Variants in ZNF804A observed in about 807,000 individuals in gnomAD.
The protein encoded by ZNF804A is zinc finger protein 804A.
A neutral mutation model predicts 16.5 loss-of-function variants in ZNF804A; 2 were observed. The ratio of observed to expected loss-of-function variants is 0.12; its 90% CI spans 0.05 to 0.38. The LOEUF (loss-of-function observed/expected upper bound fraction) is 0.38. Ranked by LOEUF, ZNF804A falls within the 10% of genes least tolerant of loss-of-function variation. The pLI, the probability that ZNF804A is intolerant of heterozygous loss-of-function variation, is 0.99. For synonymous variants in ZNF804A, 534 were observed against 489.6 expected, an observed-to-expected ratio of 1.09 and a Z score of -1.20; for missense variants, 1,473 against 1,390.7, an observed-to-expected ratio of 1.06 and a Z score of -0.94.
At chr2:184,866,708 A>C (rs1259753849) in intron 2 of ZNF804A, among the ~76,000 whole-genome samples, 196 bp downstream of exon 2, 1 of 151,252 alleles carries the variant, frequency 6.6e-6, no homozygotes, top group Non-Finnish European at 1.5e-5. Context: ...AAAAGGCACC[A>C]ATAGCAAAGT....
chr2:184,908,681 A>T (rs894323150), intron 2 of ZNF804A, among the ~76,000 whole-genome samples: 4 of 152,140 alleles, frequency 2.6e-5, no homozygotes, highest in Non-Finnish European at 5.9e-5. Context: ...AAACAGTTCC[A>T]CATATTGTAC....
At chr2:184,838,717 A>G (rs1695391816) in intron 1 of ZNF804A, among the ~76,000 whole-genome samples, 1 of 152,134 alleles carries the variant, frequency 6.6e-6, no homozygotes, top group East Asian at 1.9e-4. Flanking sequence ...AAGTATAGCC[A>G]TAACAGAAGC....
At chr2:184,685,458 T>A (rs1186321534) in intron 1 of ZNF804A, among the ~76,000 whole-genome samples, 3 of 151,990 alleles carry the variant, frequency 2.0e-5, no homozygotes, top group Middle Eastern at 3.4e-3. Context: ...GCTCTTTCAG[T>A]CCCCCCTTTT....
intron 1 of ZNF804A, among the ~76,000 whole-genome samples, chr2:184,750,792 A>G (rs529891313): frequency 6.6e-6 from 1 of 151,486 alleles, no homozygotes; most frequent in African/African-American, 2.4e-5. Context: ...ATCTTTTGTA[A>G]CCAAAACTTT....
At chr2:184,629,216 T>C (rs531133458) in intron 1 of ZNF804A, among the ~76,000 whole-genome samples, 1 of 152,302 alleles carries the variant, frequency 6.6e-6, no homozygotes, top group South Asian at 2.1e-4. Context: ...AACCAATTTA[T>C]CATTCACTTT....
chr2:184,916,864 C>T (rs915496840), intron 2 of ZNF804A, among the ~76,000 whole-genome samples: 2 of 151,288 alleles, frequency 1.3e-5, no homozygotes, highest in Non-Finnish European at 3.0e-5. Context: ...AAAAACAAAA[C>T]AAAACAAAAC....
intron 1 of ZNF804A, among the ~76,000 whole-genome samples, chr2:184,730,800 A>C (rs941730050): frequency 6.6e-6 from 1 of 150,392 alleles, no homozygotes; most frequent in African/African-American, 2.4e-5. Context: ...GGTTGCTTCC[A>C]AGTTTTGGCA....
intron 1 of ZNF804A, among the ~76,000 whole-genome samples, chr2:184,703,978 C>T (rs973333016): frequency 1.3e-5 from 2 of 152,072 alleles, no homozygotes; most frequent in East Asian, 3.9e-4. Flanking sequence ...GGATAAACTA[C>T]TTTGTTTTAT....
intron 1 of ZNF804A, among the ~76,000 whole-genome samples, chr2:184,715,377 G>T (rs781676342): frequency 2.9e-4 from 44 of 152,066 alleles, no homozygotes; most frequent in Admixed American, 1.3e-4. Flanking sequence ...AATAATAAAA[G>T]ATATAAGTGC....
intron 2 of ZNF804A, among the ~76,000 whole-genome samples, chr2:184,891,859 T>C (rs963595316): frequency 3.3e-5 from 5 of 152,198 alleles, no homozygotes; most frequent in Non-Finnish European, 7.4e-5. Context: ...AAATTATAAA[T>C]TGACGTGACC....
At chr2:184,799,852 T>A (rs4294964) in intron 1 of ZNF804A, among the ~76,000 whole-genome samples, 21,071 of 152,112 alleles carry the variant, frequency 0.14, 1,574 homozygotes, top group Middle Eastern at 0.23. Flanking sequence ...CCAGCAATTG[T>A]TTTCTATGCT....
chr2:184,798,006 A>ATATG (rs1284803791), intron 1 of ZNF804A, among the ~76,000 whole-genome samples: 2 of 133,256 alleles, frequency 1.5e-5, no homozygotes, highest in African/African-American at 2.8e-5. Flanking sequence ...TGGCTGATAT[A>ATATG]TGTGTGTGTG....
intron 1 of ZNF804A, among the ~76,000 whole-genome samples, chr2:184,745,248 A>G (rs1693771866): frequency 6.6e-6 from 1 of 151,732 alleles, no homozygotes. Flanking sequence ...TAAATTTGAA[A>G]CTGTACCCTA....
intron 1 of ZNF804A, among the ~76,000 whole-genome samples, chr2:184,735,632 T>G (rs1693594694): frequency 6.6e-6 from 1 of 152,220 alleles, no homozygotes; most frequent in Non-Finnish European, 1.5e-5. Flanking sequence ...ATTATTACAC[T>G]AATTTCTGGT....
intron 1 of ZNF804A, among the ~76,000 whole-genome samples, chr2:184,626,733 A>G (rs1462348031): frequency 6.6e-6 from 1 of 152,186 alleles, no homozygotes; most frequent in African/African-American, 2.4e-5. Flanking sequence ...ACACAATTGT[A>G]TAATTAAATG....
chr2:184,876,721 C>A (rs996060461), intron 2 of ZNF804A, among the ~76,000 whole-genome samples: 2 of 152,114 alleles, frequency 1.3e-5, no homozygotes, highest in African/African-American at 4.8e-5. Context: ...TTTTCGTACA[C>A]CTTCCCCAAG....
At chr2:184,599,593 C>T (rs1691014151) in intron 1 of ZNF804A, among the ~76,000 whole-genome samples, 1 of 152,188 alleles carries the variant, frequency 6.6e-6, no homozygotes. Flanking sequence ...GTTGTCTGTG[C>T]TAAGCTTAAG....
intron 1 of ZNF804A, among the ~76,000 whole-genome samples, chr2:184,781,801 G>A (rs979167034): frequency 2.0e-5 from 3 of 151,794 alleles, no homozygotes; most frequent in Admixed American, 6.6e-5. Context: ...TCAGAGCAGA[G>A]AGAAAAATAC....
chr2:184,817,079 A>G (rs1302722383), intron 1 of ZNF804A, among the ~76,000 whole-genome samples: 3 of 151,984 alleles, frequency 2.0e-5, no homozygotes, highest in African/African-American at 7.2e-5. Context: ...GGAAAGCAAG[A>G]AGACCAGTAA....
Sources: allele counts gnomAD v4.1 joint callset (sites outside exome capture counted in the v4.1 genomes callset), GRCh38; gene constraint gnomAD v4.1.1; transcripts MANE v1.5; gene names NCBI Gene and HGNC (gene_info 2026-07-23, HGNC 2026-07-21).